Variants in LDB2 observed in about 807,000 individuals in gnomAD.
LDB2 encodes LIM domain-binding protein 2.
Under a neutral mutation model 44.3 loss-of-function variants are expected in LDB2, and 12 were observed. The ratio of observed to expected loss-of-function variants is 0.27; its 90% CI spans 0.17 to 0.44. The LOEUF (loss-of-function observed/expected upper bound fraction) is 0.44, where lower values mean the gene tolerates loss of function less well. Among genes scored for constraint, LDB2 ranks in the 20% least tolerant of loss-of-function variants. The pLI is 1.00. For missense variants in LDB2, 344 were observed against 473.5 expected (o/e 0.73, Z 2.54); for synonymous variants, 164 against 174.8 (o/e 0.94, Z 0.49).
chr4:16,504,804 A>T (rs1037167117), intron 7 of LDB2, among the ~76,000 whole-genome samples: 1 of 152,220 alleles, frequency 6.6e-6, no homozygotes, highest in Admixed American at 6.5e-5. Flanking sequence ...ACTTATGATC[A>T]AGAACAAAGG....
At chr4:16,801,656 CATA>C (rs1193397606) in intron 1 of LDB2, among the ~76,000 whole-genome samples, 2 of 152,166 alleles carry the variant, frequency 1.3e-5, no homozygotes, top group African/African-American at 4.8e-5. Flanking sequence ...AATAGTGCAA[CATA>C]ATAATGTTCA....
chr4:16,887,032 C>CAAAAAA lies in LDB2; in HGVS notation c.132+11316_132+11321dup, dbSNP rs371783496. Among the ~76,000 whole-genome samples, 18 of 50,460 alleles carry CAAAAAA rather than the reference C, an allele frequency of 3.6e-4. 2 individuals are homozygous for CAAAAAA. Among genetic ancestry groups the CAAAAAA allele is most frequent in the African/African-American group, 9.3e-4 (14 of 15,018 alleles). 33.1% of individuals were successfully genotyped at this position (50,460 alleles called of 152,430 possible). A position where few individuals can be genotyped will look rare whatever the true frequency, so the allele number is the denominator to read the frequency against. ...TGGGCGACAGAGCGAAACTCCGTCT[C>CAAAAAA]AAAAAAAAAAAAAAAAAAAAAAAAA... On this transcript the variant is annotated intron_variant, in intron 1 of 7. Transcript: ENST00000304523.
At chr4:16,791,556 G>GAAAAAAAAAAAA (rs67578284) in intron 1 of LDB2, among the ~76,000 whole-genome samples, 1,372 of 58,838 alleles carry the variant, frequency 0.023, 310 homozygotes, top group East Asian at 0.047. Flanking sequence ...CTCTGGCTCA[G>GAAAAAAAAAAAA]AAAAAAAAAA....
At chr4:16,832,838 G>A (rs1192801048) in intron 1 of LDB2, among the ~76,000 whole-genome samples, 1 of 152,122 alleles carries the variant, frequency 6.6e-6, no homozygotes, top group Non-Finnish European at 1.5e-5. Flanking sequence ...AGTTAGCTGG[G>A]GTTGAAATTA....
intron 1 of LDB2, among the ~76,000 whole-genome samples, chr4:16,773,607 G>C (rs115849108): frequency 2.0e-5 from 3 of 152,266 alleles, no homozygotes; most frequent in African/African-American, 7.2e-5. Context: ...TGAGTGATGG[G>C]GGAGCGGCTG....
intron 5 of LDB2, among the ~76,000 whole-genome samples, chr4:16,563,033 A>G (rs1423338580): frequency 6.6e-6 from 1 of 150,584 alleles, no homozygotes; most frequent in Non-Finnish European, 1.5e-5. Flanking sequence ...ACATGGACAC[A>G]GGAAGGGGAA....
intron 1 of LDB2, among the ~76,000 whole-genome samples, chr4:16,839,575 G>A (rs1350768655): frequency 6.6e-6 from 1 of 152,130 alleles, no homozygotes; most frequent in African/African-American, 2.4e-5. Flanking sequence ...CATTCTACGT[G>A]AGCAAACTGA....
At chr4:16,653,899 T>C (rs1262044112) in intron 2 of LDB2, 1 of 152,142 alleles carries the variant, frequency 6.6e-6, no homozygotes, top group Non-Finnish European at 1.5e-5. Context: ...TAAGGTTTCT[T>C]TGATTGGGGT....
intron 2 of LDB2, among the ~76,000 whole-genome samples, chr4:16,620,793 G>A (rs1728663135): frequency 6.6e-6 from 1 of 152,234 alleles, no homozygotes; most frequent in Non-Finnish European, 1.5e-5. Context: ...AAGTGCTGGT[G>A]ACTGGGTGGG....
intron 7 of LDB2, among the ~76,000 whole-genome samples, chr4:16,504,660 C>T (rs1718637273): frequency 1.3e-5 from 2 of 152,142 alleles, no homozygotes; most frequent in South Asian, 4.1e-4. Context: ...GAAAGGATGA[C>T]AGGATTTTAG....
In LDB2 at chr4:16,625,872, C is replaced by A. The variant is rs542979006; in HGVS notation, c.236-29997G>T. Reference sequence around the variant, plus strand: ...AGCCTCTGCATAAAACCACTGGTCCCCGCTGTTCTGTTCCAGAATTGCAGA... The same window carrying A: ...AGCCTCTGCATAAAACCACTGGTCCACGCTGTTCTGTTCCAGAATTGCAGA... On this transcript the variant is annotated intron_variant, in intron 2 of 7. Coordinates refer to ENST00000304523, the MANE Select transcript of LDB2 (RefSeq NM_001290.5). 6.6e-5 allele frequency among the ~76,000 whole-genome samples: 10 copies of A among 152,276 alleles called. No individual in the cohort carries two copies. In the East Asian group the frequency reaches 1.7e-3, roughly 27 times the overall value.
intron 1 of LDB2, among the ~76,000 whole-genome samples, chr4:16,858,788 C>T (rs541411100): frequency 6.6e-6 from 1 of 152,270 alleles, no homozygotes; most frequent in East Asian, 1.9e-4. Flanking sequence ...CATCCTGGAC[C>T]TGATACAATA....
intron 2 of LDB2, among the ~76,000 whole-genome samples, chr4:16,701,529 A>G (rs1201908586): frequency 6.6e-6 from 1 of 152,250 alleles, no homozygotes; most frequent in Non-Finnish European, 1.5e-5. Context: ...TTTAGCATAT[A>G]TAGCACCAAG....
At chr4:16,745,081 A>C (rs1764119280) in intron 2 of LDB2, among the ~76,000 whole-genome samples, 1 of 152,234 alleles carries the variant, frequency 6.6e-6, no homozygotes, top group Admixed American at 6.5e-5. Flanking sequence ...TAACTGCAGG[A>C]CAGGGTCGTG....
intron 2 of LDB2, among the ~76,000 whole-genome samples, chr4:16,629,789 A>G (rs560435755): frequency 2.6e-5 from 4 of 152,210 alleles, no homozygotes; most frequent in African/African-American, 9.6e-5. Context: ...TTCGTGAAGC[A>G]TACACAAGCT....
At chr4:16,671,540 A>G (rs1028175725) in intron 2 of LDB2, among the ~76,000 whole-genome samples, 1 of 152,102 alleles carries the variant, frequency 6.6e-6, no homozygotes, top group Non-Finnish European at 1.5e-5. Context: ...AGCTCAGCCA[A>G]TTCCCCAGAG....
chr4:16,890,287 G>T (rs1026460712), intron 1 of LDB2, among the ~76,000 whole-genome samples: 4 of 152,192 alleles, frequency 2.6e-5, no homozygotes, highest in Non-Finnish European at 5.9e-5. Context: ...AGAGTCACAG[G>T]ATCTGATTTA....
intron 1 of LDB2, among the ~76,000 whole-genome samples, chr4:16,813,632 C>A (rs900828139): frequency 3.3e-5 from 5 of 152,068 alleles, no homozygotes; most frequent in Non-Finnish European, 7.4e-5. Flanking sequence ...CTTCTACAGT[C>A]CCCCCAACTG....
chr4:16,768,927 C>A (rs1175145274), intron 1 of LDB2, among the ~76,000 whole-genome samples: 1 of 152,156 alleles, frequency 6.6e-6, no homozygotes, highest in Non-Finnish European at 1.5e-5. Flanking sequence ...ACACAGCTAT[C>A]AAATTGCCAC....
Sources: allele counts gnomAD v4.1 joint callset (sites outside exome capture counted in the v4.1 genomes callset), GRCh38; gene constraint gnomAD v4.1.1; transcripts MANE v1.5; gene names NCBI Gene and HGNC (gene_info 2026-07-23, HGNC 2026-07-21).